SLC35A3: variants seen among roughly 807,000 people sequenced by gnomAD.
SLC35A3 encodes the protein solute carrier family 35 member A3.
In SLC35A3, 26 loss-of-function variants were observed where a neutral mutation model predicts 39.0. That is an observed-to-expected ratio of 0.67 (90% CI 0.49 to 0.92). The LOEUF (loss-of-function observed/expected upper bound fraction) is 0.92, where lower values mean the gene tolerates loss of function less well. Among genes scored for constraint, SLC35A3 ranks in the 40% least tolerant of loss-of-function variants. The probability of loss-of-function intolerance (pLI) is 0.00; values close to 1 mark genes in which losing one functional copy is unlikely to be tolerated. For missense variants in SLC35A3, 299 were observed against 371.6 expected, an observed-to-expected ratio of 0.80 and a Z score of 1.61; for synonymous variants, 135 against 133.1, an observed-to-expected ratio of 1.01 and a Z score of -0.10.
chr1:99,975,490 G>A (rs1162533411), intron 1 of SLC35A3, among the ~76,000 whole-genome samples: 2 of 152,218 alleles, frequency 1.3e-5, no homozygotes, highest in African/African-American at 4.8e-5. Flanking sequence ...TGGCATGAGA[G>A]TGTAGTAGAG....
chr1:99,989,985 G>C (rs957378577), intron 1 of SLC35A3, among the ~76,000 whole-genome samples: 5 of 152,058 alleles, frequency 3.3e-5, no homozygotes, highest in African/African-American at 1.2e-4. Context: ...TTGAACTTCT[G>C]GGCTCAAATG....
chr1:99,995,097 T>C (rs1658307210), intron 2 of SLC35A3, among the ~76,000 whole-genome samples: 2 of 151,506 alleles, frequency 1.3e-5, no homozygotes, highest in South Asian at 2.1e-4. Context: ...TTTTGGCTTT[T>C]TGTGTATTTT....
At chr1:100,021,755 T>C (rs1660569191) in intron 7 of SLC35A3, among the ~76,000 whole-genome samples, 1 of 152,198 alleles carries the variant, frequency 6.6e-6, no homozygotes, top group Non-Finnish European at 1.5e-5. Context: ...TAAAGTAGAC[T>C]ATATCTATAA....
At position 100,017,823 on chromosome 1, in the gene SLC35A3, G is replaced by A. The variant is rs772703781; in HGVS notation, c.887+8G>A. 22 of 1,533,488 alleles carry A rather than the reference G, an allele frequency of 1.4e-5. No individual in the cohort carries two copies. The highest frequency in any genetic ancestry group is 1.8e-5 in the Non-Finnish European group (20 of 1,140,352). The allele number at this position is 1,533,488 out of a possible 1,614,324, so 95.0% of individuals were successfully genotyped here. Reference sequence around the variant, plus strand: ...AGATTTTGTGCCAACCAGGTAAAATGTTCTTTTCTATTTTTTTAAATCCCC... The same window carrying A: ...AGATTTTGTGCCAACCAGGTAAAATATTCTTTTCTATTTTTTTAAATCCCC... On this transcript the variant is annotated splice_region_variant and intron_variant, in intron 7 of 7. Coordinates refer to ENST00000533028, the MANE Select transcript of SLC35A3 (RefSeq NM_012243.3).
chr1:99,970,560 C>G (rs1656744487), intron 1 of SLC35A3: 1 of 1,535,924 alleles, frequency 6.5e-7, no homozygotes. Flanking sequence ...CGGTGTTGAG[C>G]CCTGTGGTAG....
At chr1:99,994,910 A>C (rs192994658) in intron 2 of SLC35A3, among the ~76,000 whole-genome samples, 77 of 152,296 alleles carry the variant, frequency 5.1e-4, no homozygotes, top group Non-Finnish European at 9.7e-4. Flanking sequence ...GGATCATTTT[A>C]TATCTCCATC....
chr1:99,986,004 T>C (rs539614673), intron 1 of SLC35A3, among the ~76,000 whole-genome samples: 1 of 152,288 alleles, frequency 6.6e-6, no homozygotes, highest in South Asian at 2.1e-4. Flanking sequence ...TATACAATCA[T>C]ATTATCAGCA....
At chr1:100,016,063 A>ATTTT (rs570217343) in intron 6 of SLC35A3, among the ~76,000 whole-genome samples, 2 of 130,320 alleles carry the variant, frequency 1.5e-5, no homozygotes, top group African/African-American at 2.9e-5. Context: ...GGATACTTCT[A>ATTTT]TTTTTTTTTT....
chr1:100,024,595 A>G lies in SLC35A3; in HGVS notation c.*2119A>G, dbSNP rs145699799. Reference sequence around the variant, plus strand: ...CACACACACACACACACACACCCACAGTATGAATGAAAAAAATAAAATACT... The same window carrying G: ...CACACACACACACACACACACCCACGGTATGAATGAAAAAAATAAAATACT... On this transcript the variant is annotated 3_prime_UTR_variant, in exon 8 of 8. Coordinates refer to ENST00000533028, the MANE Select transcript of SLC35A3 (RefSeq NM_012243.3). The G allele has an allele frequency of 9.0e-3, 2,290 of 253,044 alleles. 26 individuals are homozygous for G. Among genetic ancestry groups the G allele is most frequent in the Middle Eastern group, 0.034 (26 of 766 alleles). The allele number at this position is 253,044 out of a possible 1,614,324, so 15.7% of individuals were successfully genotyped here.
In SLC35A3 at chr1:100,028,272, A is replaced by C. The variant is rs1430461954; in HGVS notation, c.*5796A>C. The C allele has an allele frequency of 2.0e-5, 3 of 152,058 alleles. No homozygotes were observed. Among genetic ancestry groups the C allele is most frequent in the Non-Finnish European group, 4.4e-5 (3 of 68,094 alleles). 9.4% of individuals were successfully genotyped at this position (152,058 alleles called of 1,614,324 possible). On this transcript the variant is annotated 3_prime_UTR_variant, in exon 8 of 8. Coordinates refer to ENST00000533028, the MANE Select transcript of SLC35A3 (RefSeq NM_012243.3). ...CTTTCAAAAGAGACTGATAGTGACC[A>C]GCATTAGTAATCATACTGGTGGGGT...
rs1303684574 is a variant in SLC35A3, at chr1:100,027,456, C to G, written c.*4980C>G. 5.8e-6 allele frequency: 2 copies of G among 345,876 alleles called. No individual in the cohort carries two copies. The highest frequency in any genetic ancestry group is 8.5e-5 in the East Asian group (2 of 23,650). The allele number at this position is 345,876 out of a possible 1,614,324, so 21.4% of individuals were successfully genotyped here. On this transcript the variant is annotated 3_prime_UTR_variant, in exon 8 of 8. Transcript: ENST00000533028. Reference sequence around the variant, plus strand: ...GACAGTGAGACTCTGTCTCAAAAAACAAACAAAACAAAAACTGAAACAACA... The same window carrying G: ...GACAGTGAGACTCTGTCTCAAAAAAGAAACAAAACAAAAACTGAAACAACA...
chr1:99,984,229 G>A (rs373583189), intron 1 of SLC35A3, among the ~76,000 whole-genome samples: 2 of 152,018 alleles, frequency 1.3e-5, no homozygotes, highest in African/African-American at 2.4e-5. Context: ...TTTAGAAGCC[G>A]GATAATTGAT....
At chr1:99,981,244 C>T (rs987852232) in intron 1 of SLC35A3, among the ~76,000 whole-genome samples, 3 of 152,128 alleles carry the variant, frequency 2.0e-5, no homozygotes, top group Admixed American at 2.0e-4. Context: ...GACATATTTG[C>T]ATAGCACTTT....
chr1:99,983,047 G>C (rs1190481024), intron 1 of SLC35A3, among the ~76,000 whole-genome samples: 1 of 151,936 alleles, frequency 6.6e-6, no homozygotes, highest in Admixed American at 6.6e-5. Flanking sequence ...TATAATTATG[G>C]ATCATTATAA....
intron 1 of SLC35A3, among the ~76,000 whole-genome samples, chr1:99,984,886 T>C (rs2101075968): frequency 6.6e-6 from 1 of 152,352 alleles, no homozygotes; most frequent in South Asian, 2.1e-4. Context: ...ATATCTTCTT[T>C]TGAGAATTGT....
chr1:100,013,579 C>T (rs961647215), intron 5 of SLC35A3, among the ~76,000 whole-genome samples: 2 of 151,802 alleles, frequency 1.3e-5, no homozygotes, highest in Admixed American at 6.6e-5. Context: ...TGCCTCTGCA[C>T]TCCAGCCTGC....
At chr1:100,013,900 T>C (rs1362698955) in intron 5 of SLC35A3, among the ~76,000 whole-genome samples, 3 of 152,210 alleles carry the variant, frequency 2.0e-5, no homozygotes, top group Non-Finnish European at 2.9e-5. Context: ...ACTTCATTTT[T>C]AAAAATTGCT....
rs919082544 is a variant in SLC35A3 at position 100,030,581 on chromosome 1, A to T, written c.*8105A>T. On this transcript the variant is annotated 3_prime_UTR_variant, in exon 8 of 8. Coordinates refer to ENST00000533028, the MANE Select transcript of SLC35A3 (RefSeq NM_012243.3). ...AAGGGTGACCCAGGGAAGCCAAAAGATTGGACACCCCAGCTTTAAATGTAG... is the reference window on the plus strand; with the variant it reads ...AAGGGTGACCCAGGGAAGCCAAAAGTTTGGACACCCCAGCTTTAAATGTAG... The T allele has an allele frequency of 1.3e-5, 2 of 152,212 alleles. No homozygotes were observed. The highest frequency in any genetic ancestry group is 2.9e-5 in the Non-Finnish European group (2 of 68,056). 9.4% of individuals were successfully genotyped at this position (152,212 alleles called of 1,614,324 possible).
chr1:99,979,578 C>T (rs1216319755), intron 1 of SLC35A3, among the ~76,000 whole-genome samples: 2 of 151,290 alleles, frequency 1.3e-5, no homozygotes, highest in African/African-American at 4.8e-5. Context: ...GGACTACAGG[C>T]GCCCGCCACC....
Sources: allele counts gnomAD v4.1 joint callset (sites outside exome capture counted in the v4.1 genomes callset), GRCh38; gene constraint gnomAD v4.1.1; transcripts MANE v1.5; gene names NCBI Gene and HGNC (gene_info 2026-07-23, HGNC 2026-07-21).